Variants in CLIC5 observed in about 807,000 individuals in gnomAD.
CLIC5 encodes chloride intracellular channel protein 5.
In CLIC5, 20 loss-of-function variants were observed where a neutral mutation model predicts 24.7. That is an observed-to-expected ratio of 0.81 (90% CI 0.57 to 1.18). The LOEUF is 1.18. CLIC5 is among the 50% of genes most tolerant of loss of function. The pLI is 0.00. For synonymous variants in CLIC5, 159 were observed against 135.6 expected, an observed-to-expected ratio of 1.17 and a Z score of -1.20; for missense variants, 341 against 326.1, an observed-to-expected ratio of 1.05 and a Z score of -0.35.
intron 1 of CLIC5, among the ~76,000 whole-genome samples, chr6:46,040,973 A>C (rs966467028): frequency 6.6e-6 from 1 of 152,232 alleles, no homozygotes; most frequent in African/African-American, 2.4e-5. Flanking sequence ...CCCCAAATTA[A>C]AAATGGTCTG....
At chr6:46,076,150 A>T (rs1284819056) in intron 1 of CLIC5, among the ~76,000 whole-genome samples, 2 of 152,144 alleles carry the variant, frequency 1.3e-5, no homozygotes, top group Non-Finnish European at 2.9e-5. Flanking sequence ...AGAGTGAGTG[A>T]GGTTCCCCTA....
At chr6:46,032,685 T>A (rs1339349214) in intron 1 of CLIC5, among the ~76,000 whole-genome samples, 2 of 152,190 alleles carry the variant, frequency 1.3e-5, no homozygotes, top group African/African-American at 4.8e-5. Flanking sequence ...TTCAGAAACC[T>A]CTTTTCATTC....
intron 1 of CLIC5, among the ~76,000 whole-genome samples, chr6:46,021,106 A>T (rs2127450000): frequency 6.6e-6 from 1 of 151,598 alleles, no homozygotes; most frequent in South Asian, 2.1e-4. Flanking sequence ...AAAAAAAAAA[A>T]AAACCCAGCT....
Position 45,955,260 on chromosome 6 carries a change from C to G in CLIC5, c.64-16G>C. On this transcript the variant is annotated splice_polypyrimidine_tract_variant and intron_variant, in intron 1 of 5. Coordinates refer to ENST00000339561, the MANE Select transcript of CLIC5 (RefSeq NM_016929.5). ...CGATTCCAGCCTGGAAAGAAGAGAA[C>G]CAGTGTCCTGAGTGGGCAGGTGCAA... is the stretch of plus-strand genomic sequence containing the variant. The G allele has an allele frequency of 6.2e-7, 1 of 1,602,048 alleles. No individual in the cohort carries two copies. Among genetic ancestry groups the G allele is most frequent in the Non-Finnish European group, 8.5e-7 (1 of 1,169,686 alleles).
intron 4 of CLIC5, among the ~76,000 whole-genome samples, chr6:45,923,883 T>C (rs1351260581): frequency 2.0e-5 from 3 of 152,190 alleles, no homozygotes; most frequent in Non-Finnish European, 4.4e-5. Context: ...CCCTGACACA[T>C]ACTAGCTTGG....
chr6:46,017,744 G>T (rs1767060620), upstream of CLIC5, among the ~76,000 whole-genome samples: 1 of 152,238 alleles, frequency 6.6e-6, no homozygotes, highest in South Asian at 2.1e-4. Context: ...CATGGTTGGG[G>T]TGAGGAGAGG....
intron 4 of CLIC5, among the ~76,000 whole-genome samples, chr6:45,936,691 T>C (rs1055358236): frequency 1.3e-5 from 2 of 152,056 alleles, no homozygotes; most frequent in African/African-American, 4.8e-5. Context: ...GTAGTTGGCT[T>C]TAGAGTCTGC....
intron 1 of CLIC5, among the ~76,000 whole-genome samples, chr6:45,989,785 G>A (rs1005915246): frequency 6.6e-6 from 1 of 152,154 alleles, no homozygotes; most frequent in Admixed American, 6.5e-5. Context: ...TAGAATAGGA[G>A]GCAATAGTGA....
intron 5 of CLIC5, chr6:45,912,659 T>G: frequency 6.5e-7 from 1 of 1,532,498 alleles, no homozygotes; most frequent in Non-Finnish European, 8.7e-7. Context: ...GGAACTCGGG[T>G]CTCCTGATCT....
chr6:46,006,973 CAA>C lies in CLIC5; in HGVS notation c.63+8505_63+8506del, dbSNP rs762945054. On this transcript the variant is annotated intron_variant, in intron 1 of 5. Coordinates refer to ENST00000339561, the MANE Select transcript of CLIC5 (RefSeq NM_016929.5). Reference sequence around the variant, plus strand: ...AGTCATGAGCCACCATGCCCAGCCCCAAAAGACATTTTTTAAAGCAAGTCCTT... The same window carrying C: ...AGTCATGAGCCACCATGCCCAGCCCCAAGACATTTTTTAAAGCAAGTCCTT... 3.3e-5 allele frequency among the ~76,000 whole-genome samples: 5 copies of C among 152,234 alleles called. No individual in the cohort carries two copies. The East Asian group carries it at 9.7e-4, about 29-fold the overall frequency.
At chr6:46,102,004 G>A in the CLIC5 span, among the ~76,000 whole-genome samples, 1 of 151,860 alleles carries the variant, frequency 6.6e-6, no homozygotes, top group African/African-American at 2.4e-5. Flanking sequence ...GGTGGTATGA[G>A]GAGTGAGATA....
chr6:45,952,148 T>C (rs1010201197), intron 2 of CLIC5, among the ~76,000 whole-genome samples: 3 of 152,136 alleles, frequency 2.0e-5, no homozygotes, highest in South Asian at 2.1e-4. Context: ...GTGGTGGGTT[T>C]TTTCCTGGGA....
intron 1 of CLIC5, among the ~76,000 whole-genome samples, chr6:46,051,468 G>A (rs1468110207): frequency 1.3e-5 from 2 of 152,212 alleles, no homozygotes; most frequent in Admixed American, 1.3e-4. Context: ...CTTGTAAAGT[G>A]AGGATAAAGT....
At chr6:46,068,024 A>G (rs1762491223) in intron 1 of CLIC5, among the ~76,000 whole-genome samples, 1 of 152,200 alleles carries the variant, frequency 6.6e-6, no homozygotes, top group Admixed American at 6.5e-5. Context: ...AGGTGGCCCT[A>G]TATCCAATCC....
chr6:46,043,364 G>A (rs1372981324), intron 1 of CLIC5, among the ~76,000 whole-genome samples: 1 of 152,188 alleles, frequency 6.6e-6, no homozygotes, highest in Non-Finnish European at 1.5e-5. Flanking sequence ...TTACACAGAA[G>A]GGAACTAGAT....
chr6:46,086,655 G>A, the CLIC5 span, among the ~76,000 whole-genome samples: 1 of 152,210 alleles, frequency 6.6e-6, no homozygotes, highest in African/African-American at 2.4e-5. Flanking sequence ...ACAGATAGCA[G>A]TTCAATCCAC....
chr6:45,977,458 A>T (rs1581816015), intron 1 of CLIC5, among the ~76,000 whole-genome samples: 1 of 152,214 alleles, frequency 6.6e-6, no homozygotes, highest in Non-Finnish European at 1.5e-5. Flanking sequence ...AATTAAAAAT[A>T]AAAAAATGGA....
intron 4 of CLIC5, among the ~76,000 whole-genome samples, chr6:45,922,357 A>T (rs538007844): frequency 2.6e-5 from 4 of 152,146 alleles, no homozygotes; most frequent in Non-Finnish European, 5.9e-5. Flanking sequence ...ATTTCCAAGG[A>T]ATTCAGAAAC....
chr6:46,055,125 A>G (rs776778540), intron 1 of CLIC5, among the ~76,000 whole-genome samples: 3 of 152,038 alleles, frequency 2.0e-5, no homozygotes, highest in Non-Finnish European at 2.9e-5. Context: ...TTTTTGAGAC[A>G]GAGTCTCGCT....
Sources: gnomAD v4.1 joint callset for allele counts (sites outside exome capture counted in the v4.1 genomes callset) on GRCh38, gnomAD v4.1.1 for gene constraint, MANE v1.5 for transcripts, NCBI Gene and HGNC (gene_info 2026-07-23, HGNC 2026-07-21) for gene names.